ING5: variants seen among roughly 807,000 people sequenced by gnomAD.
ING5 encodes the protein inhibitor of growth family member 5, also known as inhibitor of growth protein 5.
A neutral mutation model predicts 37.4 loss-of-function variants in ING5; 17 were observed. The observed-to-expected ratio is 0.45, with a 90% CI of 0.31 to 0.68. ING5 has a LOEUF of 0.68. Among genes scored for constraint, ING5 ranks in the 30% least tolerant of loss-of-function variants. The pLI, the probability that ING5 is intolerant of heterozygous loss-of-function variation, is 0.05. For missense variants in ING5, 233 were observed against 311.9 expected (o/e 0.75, Z 1.91); for synonymous variants, 123 against 116.6 (o/e 1.06, Z -0.36).
chr2:241,710,135 T>C (rs1399924378), intron 3 of ING5, among the ~76,000 whole-genome samples: 1 of 149,198 alleles, frequency 6.7e-6, no homozygotes, highest in African/African-American at 2.5e-5. Flanking sequence ...AGATGGACTT[T>C]TGCTCTTGTT....
At chr2:241,691,075 G>T (rs374303423) in intron 2 of ING5, among the ~76,000 whole-genome samples, 1 of 151,618 alleles carries the variant, frequency 6.6e-6, no homozygotes, top group African/African-American at 2.4e-5. Flanking sequence ...CTCCCAAAGC[G>T]CTGGGATTAC....
intron 1 of ING5, among the ~76,000 whole-genome samples, chr2:241,703,213 G>A (rs2069798734): frequency 6.6e-6 from 1 of 152,192 alleles, no homozygotes; most frequent in African/African-American, 2.4e-5. Flanking sequence ...GGGAGGCTGT[G>A]CCAGCCGGGA....
At chr2:241,699,746 C>T (rs533022287), upstream of ING5, among the ~76,000 whole-genome samples, 352 of 151,946 alleles carry the variant, frequency 2.3e-3, no homozygotes, top group African/African-American at 8.0e-3. Flanking sequence ...TCTTGGGGCT[C>T]GGGGAGCCTT....
At chr2:241,698,496 AGTGTGTGTGTGTGTGTGTGTGT>A (rs199798593), upstream of ING5, among the ~76,000 whole-genome samples, 3 of 147,422 alleles carry the variant, frequency 2.0e-5, no homozygotes, top group East Asian at 2.0e-4. Flanking sequence ...ATAATAGAGG[AGTGTGTGTGTGTGTGTGTGTGT>A]GTGTGTGTGT....
chr2:241,707,881 C>A (rs986919525), intron 2 of ING5, among the ~76,000 whole-genome samples: 1 of 152,112 alleles, frequency 6.6e-6, no homozygotes, highest in Non-Finnish European at 1.5e-5. Flanking sequence ...TGACAGTCAC[C>A]TTCCACCTTT....
At chr2:241,712,708 A>G (rs1343667363) in intron 5 of ING5, among the ~76,000 whole-genome samples, 1 of 152,140 alleles carries the variant, frequency 6.6e-6, no homozygotes, top group Non-Finnish European at 1.5e-5. Flanking sequence ...GCCTCTGTGG[A>G]GATGATCTCA....
At chr2:241,698,178 C>T (rs1255316559), upstream of ING5, among the ~76,000 whole-genome samples, 1 of 150,486 alleles carries the variant, frequency 6.6e-6, no homozygotes. Context: ...GCCGTGGTGG[C>T]TCACGCCTGT....
upstream of ING5, among the ~76,000 whole-genome samples, chr2:241,700,234 G>A (rs920755145): frequency 8.7e-5 from 12 of 137,932 alleles, no homozygotes; most frequent in African/African-American, 3.2e-4. Context: ...TCGGCTCACC[G>A]CAAGCTCAGC....
At chr2:241,702,001 G>T, upstream of ING5, 1 of 1,225,760 alleles carries the variant, frequency 8.2e-7, no homozygotes. Context: ...CGCTGGCACC[G>T]CCCCGCCCCC....
chr2:241,706,513 C>T (rs1015150082), intron 2 of ING5, among the ~76,000 whole-genome samples: 7 of 151,092 alleles, frequency 4.6e-5, no homozygotes, highest in African/African-American at 7.3e-5. Flanking sequence ...CCTATAATCC[C>T]AGCTAATTGG....
intron 5 of ING5, chr2:241,720,663 G>A (rs928115162): frequency 4.0e-5 from 39 of 985,516 alleles, no homozygotes; most frequent in Non-Finnish European, 4.5e-5. Context: ...GGCCGGGCGC[G>A]GAAGGGCTCG....
chr2:241,709,519 G>A, intron 3 of ING5, 137 bp downstream of exon 3: 1 of 724,318 alleles, frequency 1.4e-6, no homozygotes, highest in Non-Finnish European at 2.3e-6. Context: ...GCTGGAGGAA[G>A]TGCAGACGGA....
At chr2:241,710,646 G>A (rs1358894785) in intron 3 of ING5, among the ~76,000 whole-genome samples, 1 of 152,112 alleles carries the variant, frequency 6.6e-6, no homozygotes, top group Non-Finnish European at 1.5e-5. Flanking sequence ...CACCAAGCCC[G>A]GCTAATTTTG....
intron 2 of ING5, among the ~76,000 whole-genome samples, chr2:241,708,651 G>A (rs1345326158): frequency 3.3e-5 from 5 of 152,158 alleles, no homozygotes; most frequent in South Asian, 2.1e-4. Flanking sequence ...CCGTGTTGCT[G>A]TGTGTGGCTG....
intron 1 of ING5, among the ~76,000 whole-genome samples, chr2:241,688,751 GTAGC>G (rs1363427617): frequency 1.3e-5 from 2 of 149,816 alleles, no homozygotes; most frequent in African/African-American, 4.9e-5. Flanking sequence ...AGCCTCCTGA[GTAGC>G]TGGGATTACA....
intron 4 of ING5, 106 bp downstream of exon 4, chr2:241,711,594 A>T: frequency 1.2e-6 from 1 of 857,978 alleles, no homozygotes; most frequent in Non-Finnish European, 1.8e-6. Context: ...GGTAAGTATC[A>T]TATTTGGGTA....
At chr2:241,720,170 G>A in intron 5 of ING5, 1 of 1,235,738 alleles carries the variant, frequency 8.1e-7, no homozygotes, top group Non-Finnish European at 1.0e-6. Context: ...GCGGGAGTGT[G>A]CACTCGGGTG....
upstream of ING5, among the ~76,000 whole-genome samples, chr2:241,701,514 G>T (rs967788855): frequency 3.3e-5 from 5 of 152,168 alleles, no homozygotes; most frequent in African/African-American, 1.2e-4. Context: ...GGGGCAGCTC[G>T]CCCGGGCCAC....
In ING5 at chr2:241,704,736, C is replaced by T. The variant is rs757065709; in HGVS notation, c.109+12C>T. ...CCAGAGGACGGAAGGTGGGTTCAGA[C>T]CTCTCCATACAACCAGAACTGAGTT... is the stretch of plus-strand genomic sequence containing the variant. On this transcript the variant is annotated intron_variant, in intron 2 of 7. Coordinates refer to ENST00000313552, the MANE Select transcript of ING5 (RefSeq NM_032329.6). 3.9e-5 allele frequency: 62 copies of T among 1,607,140 alleles called. No individual in the cohort carries two copies. Among genetic ancestry groups the T allele is most frequent in the Non-Finnish European group, 5.1e-5 (60 of 1,173,748 alleles).
Sources: gnomAD v4.1 joint callset for allele counts (sites outside exome capture counted in the v4.1 genomes callset) on GRCh38, gnomAD v4.1.1 for gene constraint, MANE v1.5 for transcripts, NCBI Gene and HGNC (gene_info 2026-07-23, HGNC 2026-07-21) for gene names.